Variants in KCNQ5 observed in about 807,000 individuals in gnomAD.
The protein encoded by KCNQ5 is potassium voltage-gated channel subfamily Q member 5.
In KCNQ5, 30 loss-of-function variants were observed where a neutral mutation model predicts 98.2. The ratio of observed to expected loss-of-function variants is 0.31; its 90% confidence interval spans 0.23 to 0.41. The LOEUF (loss-of-function observed/expected upper bound fraction) is 0.41. Among genes scored for constraint, KCNQ5 ranks in the 10% least tolerant of loss-of-function variants. The pLI is 1.00. For synonymous variants in KCNQ5, 458 were observed against 449.4 expected, an observed-to-expected ratio of 1.02 and a Z score of -0.24; for missense variants, 835 against 1,182.5, an observed-to-expected ratio of 0.71 and a Z score of 4.31.
intron 11 of KCNQ5, among the ~76,000 whole-genome samples, chr6:73,172,162 T>C (rs1470126123): frequency 1.3e-5 from 2 of 152,194 alleles, no homozygotes; most frequent in African/African-American, 2.4e-5. Context: ...ATTCTTGACA[T>C]TTTCTGCTTG....
chr6:72,869,227 A>G (rs1033713942), intron 1 of KCNQ5, among the ~76,000 whole-genome samples: 2 of 152,204 alleles, frequency 1.3e-5, no homozygotes, highest in Non-Finnish European at 2.9e-5. Context: ...AATAAGAATT[A>G]GTGCTTACCT....
intron 3 of KCNQ5, among the ~76,000 whole-genome samples, chr6:73,071,947 G>A (rs1375883210): frequency 2.6e-5 from 4 of 152,214 alleles, no homozygotes; most frequent in African/African-American, 9.6e-5. Context: ...TAACTTTAAA[G>A]TGTATATTTT....
chr6:72,882,479 C>CATAAAA (rs1301168904), intron 1 of KCNQ5, among the ~76,000 whole-genome samples: 24 of 151,942 alleles, frequency 1.6e-4, no homozygotes, highest in Non-Finnish European at 1.6e-4. Flanking sequence ...CATAAGATAC[C>CATAAAA]ATAAAAATAA....
At chr6:72,881,669 G>T (rs1454133980) in intron 1 of KCNQ5, among the ~76,000 whole-genome samples, 1 of 151,964 alleles carries the variant, frequency 6.6e-6, no homozygotes, top group East Asian at 1.9e-4. Flanking sequence ...AAAAGTCAGG[G>T]AATAGATTAT....
intron 1 of KCNQ5, among the ~76,000 whole-genome samples, chr6:72,906,980 G>T (rs904290173): frequency 1.3e-5 from 2 of 151,958 alleles, no homozygotes; most frequent in Non-Finnish European, 2.9e-5. Context: ...TTACTAGTTG[G>T]GGTCATGTTT....
intron 1 of KCNQ5, among the ~76,000 whole-genome samples, chr6:72,805,137 T>A (rs1774883837): frequency 6.6e-6 from 1 of 152,174 alleles, no homozygotes; most frequent in African/African-American, 2.4e-5. Context: ...TTGTTGATTG[T>A]TTCCCTTGCT....
chr6:73,102,539 A>G (rs1482895590), intron 5 of KCNQ5, among the ~76,000 whole-genome samples: 1 of 152,198 alleles, frequency 6.6e-6, no homozygotes, highest in Non-Finnish European at 1.5e-5. Context: ...TCATGACTGT[A>G]TAAGAAAAAA....
chr6:72,890,362 G>A (rs1271668959), intron 1 of KCNQ5, among the ~76,000 whole-genome samples: 1 of 150,192 alleles, frequency 6.7e-6, no homozygotes, highest in Non-Finnish European at 1.5e-5. Context: ...TTAACTATAG[G>A]TACTATATTG....
chr6:72,684,565 A>T (rs1222162423), intron 1 of KCNQ5, among the ~76,000 whole-genome samples: 1 of 152,242 alleles, frequency 6.6e-6, no homozygotes, highest in Admixed American at 6.5e-5. Context: ...ATGTATCAAA[A>T]TATCACACTG....
At chr6:73,012,041 C>G (rs1770085009) in intron 2 of KCNQ5, among the ~76,000 whole-genome samples, 1 of 151,964 alleles carries the variant, frequency 6.6e-6, no homozygotes, top group African/African-American at 2.4e-5. Context: ...GCTATAGCCA[C>G]TATGGAAAAC....
At chr6:73,187,684 T>C (rs1765428817) in intron 11 of KCNQ5, among the ~76,000 whole-genome samples, 1 of 152,210 alleles carries the variant, frequency 6.6e-6, no homozygotes, top group Admixed American at 6.5e-5. Flanking sequence ...ATTTTTAGTA[T>C]TGATCACAAT....
chr6:72,965,617 A>T (rs555404130), intron 1 of KCNQ5, among the ~76,000 whole-genome samples: 1 of 152,282 alleles, frequency 6.6e-6, no homozygotes, highest in African/African-American at 2.4e-5. Context: ...TTTCCTATCC[A>T]CTGACCCACA....
intron 1 of KCNQ5, among the ~76,000 whole-genome samples, chr6:72,735,332 C>T (rs2154475920): frequency 6.6e-6 from 1 of 152,170 alleles, no homozygotes; most frequent in South Asian, 2.1e-4. Flanking sequence ...TGAAAATTAC[C>T]ATTTCTTTCA....
chr6:72,678,459 C>A (rs1232958527), intron 1 of KCNQ5: 3 of 152,104 alleles, frequency 2.0e-5, no homozygotes, highest in Admixed American at 2.0e-4. Flanking sequence ...CTCTTCAACA[C>A]CACATTACCC....
At chr6:73,192,462 T>G in intron 12 of KCNQ5, 103 bp from the exon 13 acceptor site, 5 of 974,882 alleles carry the variant, frequency 5.1e-6, no homozygotes, top group Non-Finnish European at 7.1e-6. Context: ...TTACATAAAT[T>G]GAAGATAACT....
chr6:72,693,784 A>C (rs1390808236), intron 1 of KCNQ5, among the ~76,000 whole-genome samples: 1 of 152,144 alleles, frequency 6.6e-6, no homozygotes, highest in Non-Finnish European at 1.5e-5. Context: ...TTGGAGAGAG[A>C]CACTTATATT....
chr6:72,628,001 T>C (rs544121888), intron 1 of KCNQ5, among the ~76,000 whole-genome samples: 1 of 152,304 alleles, frequency 6.6e-6, no homozygotes, highest in Non-Finnish European at 1.5e-5. Flanking sequence ...GCTTCCCCCA[T>C]TGTACTGTCA....
At chr6:72,951,800 C>T (rs1766821632) in intron 1 of KCNQ5, among the ~76,000 whole-genome samples, 1 of 152,118 alleles carries the variant, frequency 6.6e-6, no homozygotes, top group Non-Finnish European at 1.5e-5. Flanking sequence ...AGAACAAGGG[C>T]AAAGTTTAAC....
At chr6:72,730,402 T>G (rs538221709) in intron 1 of KCNQ5, among the ~76,000 whole-genome samples, 6 of 152,298 alleles carry the variant, frequency 3.9e-5, no homozygotes, top group South Asian at 4.1e-4. Context: ...TCCACCACTT[T>G]GAGGTTATAA....
Sources: allele counts gnomAD v4.1 joint callset (sites outside exome capture counted in the v4.1 genomes callset), GRCh38; gene constraint gnomAD v4.1.1; transcripts MANE v1.5; gene names NCBI Gene and HGNC (gene_info 2026-07-23, HGNC 2026-07-21).